The following HM13 variants were observed in gnomAD, a reference collection of about 807,000 sequenced individuals.
The protein encoded by HM13 is histocompatibility minor 13, also known as signal peptide peptidase.
A neutral mutation model predicts 50.0 loss-of-function variants in HM13; 18 were observed. The observed-to-expected ratio is 0.36, with a 90% CI of 0.25 to 0.53. The LOEUF (loss-of-function observed/expected upper bound fraction) is 0.53. HM13 is among the 20% of genes least tolerant of loss of function. The probability of loss-of-function intolerance (pLI) is 0.90; values close to 1 mark genes in which losing one functional copy is unlikely to be tolerated. For missense variants in HM13, 393 were observed against 552.4 expected (o/e 0.71, Z 2.89); for synonymous variants, 197 against 232.6 (o/e 0.85, Z 1.39).
intron 8 of HM13, among the ~76,000 whole-genome samples, chr20:31,559,106 C>T (rs1393040671): frequency 6.6e-6 from 1 of 152,102 alleles, no homozygotes; most frequent in African/African-American, 2.4e-5. Context: ...TTTAGTGAGA[C>T]GAGGTTTCGC....
Position 31,514,484 on chromosome 20 carries a change from C to T in HM13, c.-68C>T, listed in dbSNP as rs1328377283. On this transcript the variant is annotated 5_prime_UTR_variant, in exon 1 of 13. Transcript: ENST00000398174. This position sits in a 1 kb window ranked among gnomAD's most constrained non-coding sequence, Gnocchi z 4.3. ...GGGAACGTGGCTTTCCCTGCAGAGC[C>T]GGTGTCTCCGCCTGCGTCCCTGCTG... 3.3e-6 allele frequency: 5 copies of T among 1,517,124 alleles called. No homozygotes were observed. Among genetic ancestry groups the T allele is most frequent in the Non-Finnish European group, 4.5e-6 (5 of 1,120,012 alleles). 94.0% of individuals were successfully genotyped at this position (1,517,124 alleles called of 1,614,324 possible).
intron 10 of HM13, chr20:31,562,519 G>A (rs1043287185): frequency 6.6e-6 from 1 of 152,224 alleles, no homozygotes; most frequent in Non-Finnish European, 1.5e-5. Context: ...CCCTGGCCAT[G>A]GGAAACGCAG....
intron 4 of HM13, 66 bp downstream of exon 4, chr20:31,545,101 C>A (rs1465609175): frequency 1.6e-6 from 2 of 1,278,402 alleles, no homozygotes; most frequent in Non-Finnish European, 2.3e-6. Flanking sequence ...CCCTTTGTCT[C>A]TCCAATATTG....
intron 3 of HM13, chr20:31,541,862 A>T (rs1225748261): frequency 6.6e-6 from 1 of 152,254 alleles, no homozygotes; most frequent in Non-Finnish European, 1.5e-5. Flanking sequence ...TAAGACAGGG[A>T]AATTGGGCTC....
chr20:31,550,320 T>C, intron 7 of HM13, 199 bp downstream of exon 7: 1 of 582,282 alleles, frequency 1.7e-6, no homozygotes, highest in South Asian at 2.0e-5. Context: ...CCCTGGCCAC[T>C]TGGTCGTGGT....
chr20:31,519,548 A>G (rs1982022006), intron 1 of HM13, among the ~76,000 whole-genome samples: 1 of 152,184 alleles, frequency 6.6e-6, no homozygotes, highest in Non-Finnish European at 1.5e-5. Flanking sequence ...GTTCTCTAGT[A>G]TCTGGTCCCT....
chr20:31,538,038 T>G, intron 2 of HM13, 141 bp from the exon 3 acceptor site: 1 of 844,242 alleles, frequency 1.2e-6, no homozygotes, highest in Middle Eastern at 3.7e-4. Context: ...AGAATGCCAC[T>G]AGTATTGTCT....
At chr20:31,552,018 C>A (rs1160441573) in intron 7 of HM13, among the ~76,000 whole-genome samples, 15 of 152,268 alleles carry the variant, frequency 9.9e-5, no homozygotes, top group Middle Eastern at 3.4e-3. Context: ...CTGCCCTCTC[C>A]AGGGCCTGGG....
intron 1 of HM13, among the ~76,000 whole-genome samples, chr20:31,521,079 A>G (rs1216284237): frequency 1.3e-5 from 2 of 152,206 alleles, no homozygotes; most frequent in African/African-American, 2.4e-5. Flanking sequence ...TGCAGGATCT[A>G]TTGTATTTAC....
intron 7 of HM13, among the ~76,000 whole-genome samples, chr20:31,553,688 T>A (rs1433126220): frequency 1.3e-5 from 2 of 152,042 alleles, no homozygotes; most frequent in Non-Finnish European, 2.9e-5. Flanking sequence ...AACCTCCTTT[T>A]GCTATAACTA....
intron 10 of HM13, chr20:31,562,747 C>T (rs1318785968): frequency 2.6e-5 from 4 of 152,176 alleles, no homozygotes; most frequent in Non-Finnish European, 4.4e-5. Context: ...AGTCCTAGTA[C>T]AGTATTACTT....
intron 1 of HM13, among the ~76,000 whole-genome samples, chr20:31,523,745 C>G (rs1298693349): frequency 6.6e-6 from 1 of 152,162 alleles, no homozygotes; most frequent in African/African-American, 2.4e-5. Context: ...GGAACTTGCC[C>G]AAGTCCCACA....
chr20:31,547,544 G>A (rs926971266), intron 4 of HM13: 10 of 903,878 alleles, frequency 1.1e-5, no homozygotes, highest in Non-Finnish European at 1.8e-5. Context: ...GTGTCCAACT[G>A]CATCCAGTTG....
At chr20:31,557,454 G>A (rs556246250) in intron 8 of HM13, among the ~76,000 whole-genome samples, 34 of 152,284 alleles carry the variant, frequency 2.2e-4, no homozygotes, top group African/African-American at 7.9e-4. Context: ...ACAGTGGAGC[G>A]TTGTTTGGAA....
At chr20:31,521,369 GACACTAAGCA>G (rs1221605111) in intron 1 of HM13, among the ~76,000 whole-genome samples, 5 of 152,168 alleles carry the variant, frequency 3.3e-5, no homozygotes, top group Admixed American at 6.6e-5. Flanking sequence ...CCAGCTGTGT[GACACTAAGCA>G]AGTTACTTCA....
intron 4 of HM13, chr20:31,548,043 T>C (rs1212093301): frequency 6.4e-7 from 1 of 1,573,818 alleles, no homozygotes; most frequent in Non-Finnish European, 8.7e-7. Flanking sequence ...TGAAGACATA[T>C]AAATGAGCCT....
intron 1 of HM13, among the ~76,000 whole-genome samples, chr20:31,520,301 T>G (rs1220232164): frequency 6.6e-6 from 1 of 152,012 alleles, no homozygotes; most frequent in Non-Finnish European, 1.5e-5. Flanking sequence ...TTGTTGTTGT[T>G]TTTGTTTGTT....
chr20:31,556,166 G>A (rs1375149261), intron 8 of HM13, among the ~76,000 whole-genome samples: 4 of 151,026 alleles, frequency 2.6e-5, no homozygotes, highest in Non-Finnish European at 4.4e-5. Flanking sequence ...AGCCTCCCAA[G>A]TAGCTGGGAT....
At chr20:31,561,121 C>T (rs1367859727) in intron 9 of HM13, among the ~76,000 whole-genome samples, 3 of 152,200 alleles carry the variant, frequency 2.0e-5, no homozygotes, top group East Asian at 1.9e-4. Context: ...TGAACTATTA[C>T]GTCCACTGCA....
Sources: gnomAD v4.1 joint callset for allele counts (sites outside exome capture counted in the v4.1 genomes callset) on GRCh38, gnomAD v4.1.1 for gene constraint, Gnocchi (gnomAD v3.1) non-coding constraint, MANE v1.5 for transcripts, NCBI Gene and HGNC (gene_info 2026-07-23, HGNC 2026-07-21) for gene names.